Variants in AHCY observed in about 807,000 individuals in gnomAD.
AHCY encodes the protein adenosylhomocysteinase, also known as S-adenosyl-L-homocysteine hydrolase.
Under a neutral mutation model 45.4 loss-of-function variants are expected in AHCY, and 24 were observed. The observed-to-expected ratio is 0.53, with a 90% CI of 0.38 to 0.74. The LOEUF is 0.74. Ranked by LOEUF, AHCY falls within the 30% of genes least tolerant of loss-of-function variation. The pLI is 0.00. For synonymous variants in AHCY, 245 were observed against 235.1 expected (o/e 1.04, Z -0.39); for missense variants, 449 against 594.1 (o/e 0.76, Z 2.54).
the AHCY span, among the ~76,000 whole-genome samples, chr20:34,274,636 GA>G: frequency 6.6e-6 from 1 of 152,060 alleles, no homozygotes; most frequent in East Asian, 1.9e-4. Flanking sequence ...AGAGGTACAG[GA>G]TAGGGCACTG....
At chr20:34,301,723 T>G (rs1197335751) in intron 1 of AHCY, 3 of 781,890 alleles carry the variant, frequency 3.8e-6, no homozygotes, top group Non-Finnish European at 3.1e-6. Context: ...CAAGCCCCCA[T>G]TCCAGCTCTA....
intron 1 of AHCY, chr20:34,302,956 G>A: frequency 6.1e-6 from 6 of 985,454 alleles, no homozygotes; most frequent in Non-Finnish European, 7.2e-6. Context: ...GCCGTGGCCA[G>A]GTGTGCTCTC....
At chr20:34,256,351 C>G in the AHCY span, among the ~76,000 whole-genome samples, 1 of 152,186 alleles carries the variant, frequency 6.6e-6, no homozygotes, top group African/African-American at 2.4e-5. Context: ...CCGGACCCAG[C>G]TGTATTTTAT....
At chr20:34,278,278 C>A (rs1439185358), downstream of AHCY, among the ~76,000 whole-genome samples, 1 of 152,192 alleles carries the variant, frequency 6.6e-6, no homozygotes, top group Non-Finnish European at 1.5e-5. Context: ...AAGGAAGAGG[C>A]TGGCATAACA....
the AHCY span, among the ~76,000 whole-genome samples, chr20:34,235,688 G>A: frequency 2.0e-5 from 3 of 151,366 alleles, no homozygotes; most frequent in Admixed American, 1.3e-4. Flanking sequence ...GGAGGCAGGG[G>A]TGGGAGGATT....
the AHCY span, among the ~76,000 whole-genome samples, chr20:34,235,893 GGAAGGAAAGGAA>G: frequency 1.1e-4 from 10 of 92,012 alleles, no homozygotes; most frequent in Admixed American, 2.0e-4. Flanking sequence ...AAGGAAGGAA[GGAAGGAAAGGAA>G]GGAAGGAAGG....
chr20:34,281,767 C>T (rs2036011681), intron 9 of AHCY: 1 of 168,328 alleles, frequency 5.9e-6, no homozygotes, highest in African/African-American at 2.4e-5. Context: ...ATCCCAGGTT[C>T]AAGTGATTCT....
At chr20:34,269,044 C>T in the AHCY span, 2 of 1,605,374 alleles carry the variant, frequency 1.2e-6, no homozygotes, top group South Asian at 2.2e-5. Flanking sequence ...TATCTGCGCC[C>T]TGCGTGGCCA....
the AHCY span, among the ~76,000 whole-genome samples, chr20:34,254,878 A>G: frequency 6.6e-6 from 1 of 152,172 alleles, no homozygotes; most frequent in East Asian, 1.9e-4. Flanking sequence ...TATTATACCC[A>G]AATAAGATTT....
chr20:34,239,295 C>T, the AHCY span, among the ~76,000 whole-genome samples: 1 of 152,006 alleles, frequency 6.6e-6, no homozygotes, highest in Non-Finnish European at 1.5e-5. Context: ...TGGCTCACCG[C>T]AACCTCTGCC....
chr20:34,289,064 C>T (rs1032174647), intron 8 of AHCY, among the ~76,000 whole-genome samples: 3 of 151,772 alleles, frequency 2.0e-5, no homozygotes, highest in Non-Finnish European at 4.4e-5. Flanking sequence ...AGTGCAATGG[C>T]GCAATCTCGG....
chr20:34,285,311 T>A, intron 9 of AHCY, 129 bp downstream of exon 9: 3 of 986,962 alleles, frequency 3.0e-6, no homozygotes, highest in East Asian at 5.1e-5. Flanking sequence ...ACTTCTGCAC[T>A]GTAGAGGACC....
At chr20:34,241,826 T>G in the AHCY span, among the ~76,000 whole-genome samples, 2 of 152,248 alleles carry the variant, frequency 1.3e-5, no homozygotes, top group African/African-American at 4.8e-5. Flanking sequence ...TTAAATGTCT[T>G]CAGAAAGTTG....
chr20:34,258,157 G>A, the AHCY span, among the ~76,000 whole-genome samples: 1 of 151,278 alleles, frequency 6.6e-6, no homozygotes, highest in Non-Finnish European at 1.5e-5. Flanking sequence ...AAAAAAAAGA[G>A]AGAAAGAAAG....
the AHCY span, among the ~76,000 whole-genome samples, chr20:34,243,828 G>A: frequency 2.0e-5 from 3 of 151,630 alleles, no homozygotes; most frequent in African/African-American, 7.3e-5. Flanking sequence ...ACTTTGGGAG[G>A]CCGAGGCGGG....
upstream of AHCY, among the ~76,000 whole-genome samples, chr20:34,304,584 A>C (rs1447863092): frequency 6.7e-6 from 1 of 150,368 alleles, no homozygotes; most frequent in African/African-American, 2.5e-5. Context: ...CAGTGGCACC[A>C]TCTAGGCTCG....
intron 8 of AHCY, among the ~76,000 whole-genome samples, chr20:34,287,562 T>G (rs1264119577): frequency 2.0e-5 from 3 of 151,868 alleles, no homozygotes; most frequent in Non-Finnish European, 4.4e-5. Flanking sequence ...AGCTAATTTT[T>G]TGTATTTTTA....
chr20:34,238,536 T>C, the AHCY span, among the ~76,000 whole-genome samples: 14 of 152,248 alleles, frequency 9.2e-5, no homozygotes, highest in African/African-American at 2.2e-4. Flanking sequence ...CATATCTCTA[T>C]TGATATTCCC....
At chr20:34,276,940 C>A (rs1450951559), downstream of AHCY, among the ~76,000 whole-genome samples, 2 of 152,106 alleles carry the variant, frequency 1.3e-5, no homozygotes, top group Non-Finnish European at 2.9e-5. Context: ...GGATGAGAAT[C>A]CGGATTCCTG....
Sources: gnomAD v4.1 joint callset for allele counts (sites outside exome capture counted in the v4.1 genomes callset) on GRCh38, gnomAD v4.1.1 for gene constraint, MANE v1.5 for transcripts, NCBI Gene and HGNC (gene_info 2026-07-23, HGNC 2026-07-21) for gene names.